The following FSTL4 variants were observed in gnomAD, a reference collection of about 807,000 sequenced individuals.
FSTL4 encodes follistatin like 4, also known as follistatin-related protein 4.
Under a neutral mutation model 78.2 loss-of-function variants are expected in FSTL4, and 28 were observed. The ratio of observed to expected loss-of-function variants is 0.36; its 90% CI spans 0.27 to 0.49. The LOEUF (loss-of-function observed/expected upper bound fraction) is 0.49, where lower values mean the gene tolerates loss of function less well. Ranked by LOEUF, FSTL4 falls within the 20% of genes least tolerant of loss-of-function variation. The probability of loss-of-function intolerance (pLI) is 0.98; values close to 1 mark genes in which losing one functional copy is unlikely to be tolerated. For synonymous variants in FSTL4, 422 were observed against 440.5 expected, an observed-to-expected ratio of 0.96 and a Z score of 0.53; for missense variants, 922 against 1,084.9, an observed-to-expected ratio of 0.85 and a Z score of 2.11.
At chr5:133,576,093 T>C (rs1363158122) in intron 2 of FSTL4, among the ~76,000 whole-genome samples, 1 of 151,786 alleles carries the variant, frequency 6.6e-6, no homozygotes, top group South Asian at 2.1e-4. Flanking sequence ...ACAATCCTTA[T>C]TTTTGAATCA....
the FSTL4 span, among the ~76,000 whole-genome samples, chr5:133,805,953 G>A: frequency 2.2e-3 from 333 of 152,264 alleles, no homozygotes; most frequent in African/African-American, 7.4e-3. Flanking sequence ...CCCAACCCCC[G>A]ATCAGAAGGT....
At chr5:133,724,027 G>T in the FSTL4 span, among the ~76,000 whole-genome samples, 2 of 152,240 alleles carry the variant, frequency 1.3e-5, no homozygotes, top group Admixed American at 1.3e-4. Flanking sequence ...GGATGGAGAA[G>T]TACAATGGCT....
chr5:133,708,074 G>T, the FSTL4 span, among the ~76,000 whole-genome samples: 1 of 145,234 alleles, frequency 6.9e-6, no homozygotes, highest in East Asian at 2.1e-4. Context: ...GGGGTAGAAA[G>T]AAAAGAGGGA....
chr5:133,481,300 G>C (rs1428351558), intron 3 of FSTL4, among the ~76,000 whole-genome samples: 1 of 152,168 alleles, frequency 6.6e-6, no homozygotes, highest in Non-Finnish European at 1.5e-5. Flanking sequence ...CAGCACTTGG[G>C]GAGGCTGAGG....
chr5:133,697,961 A>C, the FSTL4 span, among the ~76,000 whole-genome samples: 3 of 152,220 alleles, frequency 2.0e-5, no homozygotes, highest in Non-Finnish European at 4.4e-5. Context: ...CCAAGTCTTT[A>C]TCCTCAATAG....
rs1354058830 is a variant in FSTL4 at position 133,198,148 on chromosome 5, G to T, written c.*947C>A. ...TGAGCCTGGAGGCCACCCATACCTTGCCAGGCAAGCCCAGTCTGCCCTGAA... is the reference window on the plus strand; with the variant it reads ...TGAGCCTGGAGGCCACCCATACCTTTCCAGGCAAGCCCAGTCTGCCCTGAA... On this transcript the variant is annotated 3_prime_UTR_variant, in exon 16 of 16. Transcript: ENST00000265342. 2 of 152,634 alleles carry T rather than the reference G, an allele frequency of 1.3e-5. No homozygotes were observed. The highest frequency in any genetic ancestry group is 3.9e-4 in the East Asian group (2 of 5,186). The allele number at this position is 152,634 out of a possible 1,614,324, so 9.5% of individuals were successfully genotyped here.
At chr5:133,517,437 A>ATATATAT (rs1561453724) in intron 3 of FSTL4, among the ~76,000 whole-genome samples, 4 of 32,310 alleles carry the variant, frequency 1.2e-4, no homozygotes, top group African/African-American at 6.2e-4. Context: ...AAAAAAAAAA[A>ATATATAT]AAAAAAAAAA....
chr5:133,245,495 G>A (rs549924124), intron 7 of FSTL4, among the ~76,000 whole-genome samples: 22 of 152,332 alleles, frequency 1.4e-4, no homozygotes, highest in African/African-American at 5.3e-4. Context: ...TCTAGCCCCA[G>A]TCTGTCCCTA....
intron 6 of FSTL4, among the ~76,000 whole-genome samples, chr5:133,254,777 C>T (rs1752343473): frequency 6.6e-6 from 1 of 152,182 alleles, no homozygotes; most frequent in African/African-American, 2.4e-5. Flanking sequence ...GGAGATGTGG[C>T]CCAACTAAGC....
the FSTL4 span, among the ~76,000 whole-genome samples, chr5:133,655,995 G>C: frequency 6.6e-6 from 1 of 152,168 alleles, no homozygotes; most frequent in South Asian, 2.1e-4. Context: ...TGTTCCCAGA[G>C]CCCGCCCTCC....
chr5:133,620,723 C>T, the FSTL4 span, among the ~76,000 whole-genome samples: 1 of 152,204 alleles, frequency 6.6e-6, no homozygotes, highest in Non-Finnish European at 1.5e-5. Context: ...CTGCCTTCCT[C>T]CACCTAACCA....
At chr5:133,359,124 T>C (rs1008279413) in intron 4 of FSTL4, among the ~76,000 whole-genome samples, 1 of 152,266 alleles carries the variant, frequency 6.6e-6, no homozygotes, top group Non-Finnish European at 1.5e-5. Flanking sequence ...GCATAGGATT[T>C]GGTCCTTCCC....
At chr5:133,299,670 C>T (rs1029406406) in intron 6 of FSTL4, among the ~76,000 whole-genome samples, 3 of 152,164 alleles carry the variant, frequency 2.0e-5, no homozygotes, top group African/African-American at 7.2e-5. Flanking sequence ...GAAGCAGCTA[C>T]CAACTGCTTC....
At chr5:133,385,706 T>A (rs1755682956) in intron 4 of FSTL4, among the ~76,000 whole-genome samples, 1 of 152,224 alleles carries the variant, frequency 6.6e-6, no homozygotes, top group Non-Finnish European at 1.5e-5. Flanking sequence ...CTTCCTTTTT[T>A]AATTACAGGA....
At chr5:133,646,360 A>T in the FSTL4 span, among the ~76,000 whole-genome samples, 1 of 152,174 alleles carries the variant, frequency 6.6e-6, no homozygotes, top group Non-Finnish European at 1.5e-5. Context: ...GAAGTCTAGT[A>T]TAGTTGGAAT....
At chr5:133,586,260 G>T (rs1243939213) in intron 2 of FSTL4, among the ~76,000 whole-genome samples, 1 of 105,742 alleles carries the variant, frequency 9.5e-6, no homozygotes, top group African/African-American at 3.3e-5. Flanking sequence ...AAAGCTAGCA[G>T]AAGGCAAGAC....
At chr5:133,216,649 CCCG>C (rs796559933) in intron 13 of FSTL4, among the ~76,000 whole-genome samples, 51 of 152,394 alleles carry the variant, frequency 3.3e-4, no homozygotes, top group African/African-American at 1.2e-3. Context: ...CCACACCCAG[CCCG>C]TTTGTTAACA....
chr5:133,480,141 A>G (rs1379707565), intron 3 of FSTL4, among the ~76,000 whole-genome samples: 1 of 152,190 alleles, frequency 6.6e-6, no homozygotes, highest in African/African-American at 2.4e-5. Context: ...CCACCCCCGC[A>G]TGCAGTAGGC....
At chr5:133,432,303 A>C (rs1268837077) in intron 3 of FSTL4, among the ~76,000 whole-genome samples, 1 of 152,234 alleles carries the variant, frequency 6.6e-6, no homozygotes. Flanking sequence ...GCCTCTCTAA[A>C]CATTAGCTAA....
Sources: gnomAD v4.1 joint callset for allele counts (sites outside exome capture counted in the v4.1 genomes callset) on GRCh38, gnomAD v4.1.1 for gene constraint, MANE v1.5 for transcripts, NCBI Gene and HGNC (gene_info 2026-07-23, HGNC 2026-07-21) for gene names.